The following PFKP variants were observed in gnomAD, a reference collection of about 807,000 sequenced individuals.
The protein encoded by PFKP is phosphofructokinase, platelet, also known as ATP-dependent 6-phosphofructokinase, platelet type.
PFKP carries 101 observed loss-of-function variants against 94.3 expected under a neutral mutation model. The observed-to-expected ratio is 1.07, with a 90% CI of 0.91 to 1.26. The LOEUF is 1.26. Ranked by LOEUF, PFKP falls within the 50% of genes most tolerant of loss-of-function variation. PFKP has a pLI of 0.00. For missense variants in PFKP, 1,145 were observed against 1,103.3 expected (o/e 1.04, Z -0.53); for synonymous variants, 573 against 432.6 (o/e 1.32, Z -4.03).
chr10:3,112,345 C>T (rs1726529717), intron 11 of PFKP, 59 bp downstream of exon 11: 3 of 1,247,788 alleles, frequency 2.4e-6, no homozygotes, highest in East Asian at 2.3e-5. Context: ...CAGGCCCAGC[C>T]ACTGCAAACG....
At chr10:3,069,472 T>G in intron 1 of PFKP, 1 of 1,281,278 alleles carries the variant, frequency 7.8e-7, no homozygotes. Context: ...AGGGAGCACC[T>G]TGAGTGACCT....
chr10:3,113,580 C>G, intron 13 of PFKP, 62 bp downstream of exon 13: 1 of 1,499,540 alleles, frequency 6.7e-7, no homozygotes, highest in Non-Finnish European at 9.0e-7. Context: ...GTGGACGTGG[C>G]GGCGGGGGGG....
In PFKP at chr10:3,109,496, A is replaced by T; in HGVS notation, c.1089+16A>T. 6.2e-7 allele frequency: 1 copy of T among 1,601,168 alleles called. No homozygotes were observed. The highest frequency in any genetic ancestry group is 1.1e-5 in the South Asian group (1 of 90,714). On this transcript the variant is annotated intron_variant, in intron 10 of 21. Transcript: ENST00000381125. ...CGTGCAGATGGTGAGTGGGCAGCCCATGGCCAAGGGCAGGGCGGAGACGGC... is the reference window on the plus strand; with the variant it reads ...CGTGCAGATGGTGAGTGGGCAGCCCTTGGCCAAGGGCAGGGCGGAGACGGC...
chr10:3,135,891 A>G, intron 21 of PFKP, 53 bp downstream of exon 21: 1 of 1,041,258 alleles, frequency 9.6e-7, no homozygotes, highest in South Asian at 1.3e-5. Context: ...AGTACGGGAC[A>G]GGGGAATGGC....
chr10:3,108,395 C>G (rs879475619), intron 8 of PFKP, among the ~76,000 whole-genome samples: 13 of 152,168 alleles, frequency 8.5e-5, no homozygotes, highest in Admixed American at 8.5e-4. Context: ...AGTTTAAATG[C>G]AAGCTACTGA....
At chr10:3,100,940 G>C (rs755906423) in intron 3 of PFKP, 46 of 1,611,744 alleles carry the variant, frequency 2.9e-5, no homozygotes, top group Non-Finnish European at 1.3e-5. Context: ...GGGGTGACTG[G>C]AGGGAGAAGC....
At chr10:3,121,745 T>C (rs149273089) in intron 16 of PFKP, among the ~76,000 whole-genome samples, 57 of 151,758 alleles carry the variant, frequency 3.8e-4, no homozygotes, top group Non-Finnish European at 6.6e-4. Context: ...TTGTTTTAAA[T>C]GCAGTTTTTC....
chr10:3,118,630 C>A (rs547397420), intron 14 of PFKP, 152 bp from the exon 15 acceptor site: 2 of 580,004 alleles, frequency 3.4e-6, no homozygotes, highest in East Asian at 5.9e-5. Context: ...CATCTGCCAG[C>A]CACAACGGCA....
In PFKP at chr10:3,101,673, A is replaced by G. The variant is rs2131541687; in HGVS notation, c.454+119A>G. On this transcript the variant is annotated intron_variant, in intron 4 of 21. Coordinates refer to ENST00000381125, the MANE Select transcript of PFKP (RefSeq NM_002627.5). ...CCTCTTCTCACAGATCTTACAGGTC[A>G]CCATCTCAGGACTTTTTAGGATCTC... is the stretch of plus-strand genomic sequence containing the variant. 4 of 678,414 alleles carry G rather than the reference A, an allele frequency of 5.9e-6. No homozygotes were observed. In the East Asian group the frequency reaches 1.2e-4, roughly 21 times the overall value. The allele number at this position is 678,414 out of a possible 1,614,324, so 42.0% of individuals were successfully genotyped here.
At chr10:3,109,317 G>T in intron 9 of PFKP, 38 bp from the exon 10 acceptor site, 1 of 1,604,210 alleles carries the variant, frequency 6.2e-7, no homozygotes. Context: ...AGGGCAGGAC[G>T]GGAGGCTGCC....
intron 1 of PFKP, among the ~76,000 whole-genome samples, chr10:3,075,455 G>A (rs549176353): frequency 4.0e-5 from 6 of 151,548 alleles, no homozygotes; most frequent in Admixed American, 6.6e-5. Flanking sequence ...GGAGCCAGTG[G>A]GGCAGTTTGC....
chr10:3,076,207 G>A (rs1027455471), intron 1 of PFKP, among the ~76,000 whole-genome samples: 2 of 152,134 alleles, frequency 1.3e-5, no homozygotes, highest in African/African-American at 2.4e-5. Flanking sequence ...CGGGACGCAC[G>A]TGGCCAGCGG....
chr10:3,119,784 T>TGAAAAAA, intron 15 of PFKP, 108 bp from the exon 16 acceptor site: 1 of 771,396 alleles, frequency 1.3e-6, no homozygotes, highest in South Asian at 1.9e-5. Context: ...GATGCCCCAG[T>TGAAAAAA]GTGCTCCCTG....
intron 2 of PFKP, among the ~76,000 whole-genome samples, chr10:3,096,414 A>T (rs1834483561): frequency 6.6e-6 from 1 of 152,176 alleles, no homozygotes. Flanking sequence ...TGACCGCAAC[A>T]GCTCTGGGTG....
chr10:3,107,430 A>G, intron 8 of PFKP, 121 bp downstream of exon 8: 1 of 642,604 alleles, frequency 1.6e-6, no homozygotes. Flanking sequence ...GATATTTAAA[A>G]CATTTTCATA....
intron 3 of PFKP, chr10:3,101,041 G>T: frequency 6.6e-7 from 1 of 1,523,166 alleles, no homozygotes; most frequent in African/African-American, 1.4e-5. Flanking sequence ...ACCTGGTTGA[G>T]CTCGTTGGCC....
intron 17 of PFKP, among the ~76,000 whole-genome samples, chr10:3,132,107 T>A (rs1304328705): frequency 2.0e-5 from 3 of 152,074 alleles, no homozygotes; most frequent in African/African-American, 7.2e-5. Context: ...AGCACGGAAT[T>A]ACCATTTTCA....
chr10:3,082,449 C>G lies in PFKP; in HGVS notation c.174C>G (p.Tyr58Ter). The change falls in exon 2 of 22, where the codon TAC becomes TAG. Residue 58 changes from tyrosine to a stop codon, truncating the protein, a stop_gained. Transcript: ENST00000381125. LOFTEE classifies it high-confidence loss of function. ...GTATCTACGTGGGGGCCAAGGTGTACTTCATCTACGAGGTCAGTGTCTGCC... is the reference window on the plus strand; with the variant it reads ...GTATCTACGTGGGGGCCAAGGTGTAGTTCATCTACGAGGTCAGTGTCTGCC... ...RMGIYVGAKVYFIYEGYQGMV... is the reference protein window; with the variant it reads ...RMGIYVGAKV The G allele has an allele frequency of 6.2e-7, 1 of 1,605,472 alleles. No individual in the cohort carries two copies. Among genetic ancestry groups the G allele is most frequent in the East Asian group, 2.3e-5 (1 of 44,410 alleles).
chr10:3,104,517 C>A (rs1460653076), intron 5 of PFKP, among the ~76,000 whole-genome samples: 2 of 152,214 alleles, frequency 1.3e-5, no homozygotes, highest in Non-Finnish European at 2.9e-5. Flanking sequence ...CGAATCCAGT[C>A]CCCAGCATGG....
Sources: gnomAD v4.1 joint callset for allele counts (sites outside exome capture counted in the v4.1 genomes callset) on GRCh38, gnomAD v4.1.1 for gene constraint, MANE v1.5 for transcripts, NCBI Gene and HGNC (gene_info 2026-07-23, HGNC 2026-07-21) for gene names.